The following ZCWPW2 variants were observed in gnomAD, a reference collection of about 807,000 sequenced individuals.
The protein encoded by ZCWPW2 is zinc finger CW-type and PWWP domain containing 2.
Under a neutral mutation model 46.6 loss-of-function variants are expected in ZCWPW2, and 45 were observed. The ratio of observed to expected loss-of-function variants is 0.96; its 90% CI spans 0.76 to 1.24. ZCWPW2 has a LOEUF of 1.24. ZCWPW2 is among the 50% of genes most tolerant of loss of function. The probability of loss-of-function intolerance (pLI) is 0.00; values close to 1 mark genes in which losing one functional copy is unlikely to be tolerated. For synonymous variants in ZCWPW2, 152 were observed against 137.1 expected (o/e 1.11, Z -0.76); for missense variants, 429 against 403.9 (o/e 1.06, Z -0.53).
intron 6 of ZCWPW2, among the ~76,000 whole-genome samples, chr3:28,497,670 G>A (rs923502095): frequency 6.6e-6 from 1 of 152,084 alleles, no homozygotes; most frequent in African/African-American, 2.4e-5. Context: ...CTGAGTTGTA[G>A]TATCAGTTGT....
intron 3 of ZCWPW2, among the ~76,000 whole-genome samples, chr3:28,430,786 T>TC (rs1369402352): frequency 6.6e-6 from 1 of 152,068 alleles, no homozygotes; most frequent in Non-Finnish European, 1.5e-5. Flanking sequence ...TAAGGAGCTT[T>TC]CCCCCCTTCA....
At chr3:28,448,219 T>A (rs1698072264) in intron 4 of ZCWPW2, 2 of 158,294 alleles carry the variant, frequency 1.3e-5, no homozygotes, top group African/African-American at 4.8e-5. Context: ...CACAAAAAAA[T>A]TAGAACTAAT....
intron 1 of ZCWPW2, among the ~76,000 whole-genome samples, chr3:28,354,203 A>G (rs1259634669): frequency 1.3e-5 from 2 of 152,172 alleles, no homozygotes; most frequent in Non-Finnish European, 2.9e-5. Context: ...GATACAAACT[A>G]TCATCAGAGA....
At chr3:28,515,130 G>T (rs1700528765) in intron 7 of ZCWPW2, among the ~76,000 whole-genome samples, 1 of 152,192 alleles carries the variant, frequency 6.6e-6, no homozygotes, top group Non-Finnish European at 1.5e-5. Context: ...CTGACTCTGT[G>T]TCAGCAACAT....
Position 28,357,223 on chromosome 3 carries a change from G to A in ZCWPW2, c.-134+8020G>A, listed in dbSNP as rs187587266. Among the ~76,000 whole-genome samples the A allele has an allele frequency of 5.6e-3, 855 of 152,184 alleles. 4 individuals are homozygous for A. The highest frequency in any genetic ancestry group is 9.2e-3 in the Non-Finnish European group (626 of 68,008). On this transcript the variant is annotated intron_variant, in intron 1 of 9. Transcript: ENST00000383768. ...AAGCTACGAATAAATAATAATGAAA[G>A]GATGACATTAAAGTTCATTAAGATC...
intron 4 of ZCWPW2, among the ~76,000 whole-genome samples, chr3:28,446,258 T>A (rs1475952755): frequency 6.6e-6 from 1 of 152,146 alleles, no homozygotes; most frequent in Admixed American, 6.5e-5. Context: ...TTTTCTACAA[T>A]AGATGACATG....
chr3:28,422,951 T>C (rs1444530126), intron 3 of ZCWPW2, among the ~76,000 whole-genome samples: 1 of 152,220 alleles, frequency 6.6e-6, no homozygotes, highest in Non-Finnish European at 1.5e-5. Context: ...CCTAAGGACA[T>C]ATGCTTTTGA....
At chr3:28,405,321 C>A (rs1333228376) in intron 2 of ZCWPW2, among the ~76,000 whole-genome samples, 2 of 152,080 alleles carry the variant, frequency 1.3e-5, no homozygotes, top group African/African-American at 4.8e-5. Context: ...CCTTTGCAAC[C>A]TGAACATACT....
intron 5 of ZCWPW2, among the ~76,000 whole-genome samples, chr3:28,486,928 A>C (rs928399704): frequency 7.9e-5 from 12 of 151,526 alleles, no homozygotes; most frequent in African/African-American, 2.9e-4. Flanking sequence ...TATTTTGTCA[A>C]CACTTTATTT....
chr3:28,467,205 G>A (rs561072935), intron 4 of ZCWPW2, among the ~76,000 whole-genome samples: 126 of 151,634 alleles, frequency 8.3e-4, no homozygotes, highest in African/African-American at 2.7e-3. Flanking sequence ...AGTAACCTGC[G>A]GAAAAAAATG....
intron 1 of ZCWPW2, among the ~76,000 whole-genome samples, chr3:28,361,085 T>C (rs1281651057): frequency 6.6e-6 from 1 of 152,094 alleles, no homozygotes; most frequent in Non-Finnish European, 1.5e-5. Context: ...TATACAGATA[T>C]TCTAAAATCA....
At chr3:28,363,987 A>G (rs1404854673) in intron 1 of ZCWPW2, among the ~76,000 whole-genome samples, 3 of 152,144 alleles carry the variant, frequency 2.0e-5, no homozygotes, top group Non-Finnish European at 4.4e-5. Flanking sequence ...TTTCCTGTTA[A>G]TAGCCTATAT....
At chr3:28,402,389 C>A (rs983276101) in intron 2 of ZCWPW2, among the ~76,000 whole-genome samples, 31 of 152,002 alleles carry the variant, frequency 2.0e-4, no homozygotes, top group Non-Finnish European at 2.9e-5. Context: ...GAATTAGATA[C>A]CCCGAATAGA....
chr3:28,492,241 A>G, intron 6 of ZCWPW2, 68 bp downstream of exon 6: 1 of 1,342,800 alleles, frequency 7.4e-7, no homozygotes, highest in Non-Finnish European at 1.0e-6. Flanking sequence ...TCTTTAAAGA[A>G]AATTATATTA....
At chr3:28,474,804 T>TTTG (rs139673277) in intron 4 of ZCWPW2, among the ~76,000 whole-genome samples, 3,455 of 148,902 alleles carry the variant, frequency 0.023, 68 homozygotes, top group South Asian at 0.036. Context: ...GTCTGAACTA[T>TTTG]TTGTTGTTGT....
intron 3 of ZCWPW2, among the ~76,000 whole-genome samples, chr3:28,425,803 A>G (rs1696983081): frequency 6.6e-6 from 1 of 152,188 alleles, no homozygotes; most frequent in Non-Finnish European, 1.5e-5. Flanking sequence ...GCATATATTT[A>G]TGTACTTATA....
chr3:28,387,109 A>C (rs1053297671), intron 1 of ZCWPW2, among the ~76,000 whole-genome samples: 5 of 152,186 alleles, frequency 3.3e-5, no homozygotes, highest in African/African-American at 1.2e-4. Context: ...GGCCAAAGAG[A>C]GATTACCCTA....
intron 8 of ZCWPW2, among the ~76,000 whole-genome samples, chr3:28,518,639 C>T (rs1374058723): frequency 1.3e-5 from 2 of 152,160 alleles, no homozygotes; most frequent in South Asian, 2.1e-4. Context: ...AGAGAGCCTA[C>T]AATGCCATTT....
intron 4 of ZCWPW2, among the ~76,000 whole-genome samples, chr3:28,467,642 G>A (rs191360504): frequency 1.1e-4 from 16 of 152,266 alleles, no homozygotes; most frequent in African/African-American, 3.9e-4. Flanking sequence ...GTGACTCACA[G>A]AGAGCAAGAC....
Sources: allele counts gnomAD v4.1 joint callset (sites outside exome capture counted in the v4.1 genomes callset), GRCh38; gene constraint gnomAD v4.1.1; transcripts MANE v1.5; gene names NCBI Gene and HGNC (gene_info 2026-07-23, HGNC 2026-07-21).